The following SMARCAD1 variants were observed in gnomAD, a reference collection of about 807,000 sequenced individuals.
The protein encoded by SMARCAD1 is SNF2 related chromatin remodeling ATPase with DExD box 1, also known as SWI/SNF-related matrix-associated actin-dependent regulator of chromatin subfamily A containing DEAD/H box 1.
A neutral mutation model predicts 127.1 loss-of-function variants in SMARCAD1; 25 were observed. The observed-to-expected ratio is 0.20, with a 90% CI of 0.14 to 0.27. The LOEUF (loss-of-function observed/expected upper bound fraction) is 0.27, where lower values mean the gene tolerates loss of function less well. Among genes scored for constraint, SMARCAD1 ranks in the 10% least tolerant of loss-of-function variants. The pLI, the probability that SMARCAD1 is intolerant of heterozygous loss-of-function variation, is 1.00. For synonymous variants in SMARCAD1, 400 were observed against 396.9 expected, an observed-to-expected ratio of 1.01 and a Z score of -0.09; for missense variants, 807 against 1,206.0, an observed-to-expected ratio of 0.67 and a Z score of 4.90.
At chr4:94,225,452 T>C (rs2125831980) in intron 2 of SMARCAD1, among the ~76,000 whole-genome samples, 1 of 152,270 alleles carries the variant, frequency 6.6e-6, no homozygotes, top group East Asian at 1.9e-4. Context: ...GGGTACAATC[T>C]CCAAATATAG....
At chr4:94,266,263 G>A (rs1440620822) in intron 10 of SMARCAD1, among the ~76,000 whole-genome samples, 2 of 151,878 alleles carry the variant, frequency 1.3e-5, no homozygotes, top group East Asian at 3.9e-4. Context: ...ATCATAATTT[G>A]GATTTTTAAA....
At chr4:94,273,345 A>G (rs1160240774) in intron 11 of SMARCAD1, among the ~76,000 whole-genome samples, 1 of 152,222 alleles carries the variant, frequency 6.6e-6, no homozygotes, top group Admixed American at 6.5e-5. Flanking sequence ...TTTCCATGCA[A>G]TGCAAAAAGT....
intron 4 of SMARCAD1, 37 bp from the exon 5 acceptor site, chr4:94,236,915 G>C (rs1746748484): frequency 1.3e-6 from 2 of 1,495,568 alleles, no homozygotes; most frequent in African/African-American, 2.8e-5. Context: ...TTCTTAAAGT[G>C]CTGATTTAAA....
intron 9 of SMARCAD1, 158 bp downstream of exon 9, chr4:94,253,165 A>C: frequency 6.6e-7 from 1 of 1,518,336 alleles, no homozygotes; most frequent in Non-Finnish European, 8.9e-7. Context: ...ATAGTATTTC[A>C]AATAGTGTCA....
intron 2 of SMARCAD1, 60 bp downstream of exon 2, chr4:94,208,644 A>C: frequency 6.8e-7 from 1 of 1,470,562 alleles, no homozygotes; most frequent in Non-Finnish European, 9.5e-7. Flanking sequence ...GATGAAAGGC[A>C]GAAGGGATTC....
rs1753627189 is a variant in SMARCAD1 at position 94,278,732 on chromosome 4, G to C, written c.2295G>C (p.Leu765Phe). 2 of 1,612,998 alleles carry C rather than the reference G, an allele frequency of 1.2e-6. No individual in the cohort carries two copies. Among genetic ancestry groups the C allele is most frequent in the Non-Finnish European group, 1.7e-6 (2 of 1,179,134 alleles). The change falls in exon 18 of 24, where the codon TTG (leucine) becomes TTC (phenylalanine). Residue 765 changes from leucine (L) to phenylalanine (F), a missense_variant and splice_region_variant. Leu to Phe is a conservative substitution (Grantham distance 22). Transcript: ENST00000354268. The part of the protein sequence containing the change: ...FNRLKKSINN[L>F]EKNTEMCNVM... ...GATTGAAAAAATCTATCAATAACTT[G>C]GGTATAATCTGATTTTTACTCTTTT...
chr4:94,289,283 A>G (rs1755390025), intron 23 of SMARCAD1, among the ~76,000 whole-genome samples, 190 bp from the exon 24 acceptor site: 1 of 152,178 alleles, frequency 6.6e-6, no homozygotes, highest in Non-Finnish European at 1.5e-5. Flanking sequence ...CAATATGAAC[A>G]AGAACATAGA....
chr4:94,223,734 A>ATTTT (rs944591007), intron 2 of SMARCAD1, among the ~76,000 whole-genome samples: 5 of 100,170 alleles, frequency 5.0e-5, no homozygotes, highest in African/African-American at 1.8e-4. Flanking sequence ...CTCCCGGCTA[A>ATTTT]TTTTTTTTTT....
intron 5 of SMARCAD1, among the ~76,000 whole-genome samples, chr4:94,237,575 A>G (rs977972811): frequency 6.6e-6 from 1 of 151,922 alleles, no homozygotes; most frequent in African/African-American, 2.4e-5. Flanking sequence ...CCCACACTTC[A>G]TTAACCACCC....
chr4:94,276,673 T>C (rs960529831), intron 15 of SMARCAD1, among the ~76,000 whole-genome samples, 199 bp downstream of exon 15: 14 of 152,200 alleles, frequency 9.2e-5, no homozygotes, highest in Admixed American at 6.5e-5. Flanking sequence ...TCACGTATTC[T>C]TTGATTTTGT....
intron 15 of SMARCAD1, 31 bp from the exon 16 acceptor site, chr4:94,276,991 A>G (rs1312534558): frequency 6.2e-7 from 1 of 1,613,498 alleles, no homozygotes; most frequent in Admixed American, 1.7e-5. Context: ...CTTTAAGAAA[A>G]AGCTAATATA....
chr4:94,210,465 AGTT>A (rs1742026880), intron 2 of SMARCAD1, among the ~76,000 whole-genome samples: 1 of 152,222 alleles, frequency 6.6e-6, no homozygotes, highest in Admixed American at 6.5e-5. Context: ...TTTAAAAGTC[AGTT>A]TAGCAGTAGT....
intron 9 of SMARCAD1, chr4:94,253,252 T>C (rs1749546734): frequency 2.7e-6 from 4 of 1,483,446 alleles, no homozygotes; most frequent in Non-Finnish European, 3.6e-6. Flanking sequence ...ATACTGTCAC[T>C]CATTCCTTTG....
At chr4:94,280,533 CTCA>C (rs2086216908) in intron 19 of SMARCAD1, 56 bp from the exon 20 acceptor site, 3 of 1,391,292 alleles carry the variant, frequency 2.2e-6, no homozygotes, top group Non-Finnish European at 3.0e-6. Flanking sequence ...TTAAACTTTT[CTCA>C]TCATATTATT....
chr4:94,281,899 A>G (rs889328974), intron 21 of SMARCAD1, among the ~76,000 whole-genome samples: 1 of 151,196 alleles, frequency 6.6e-6, no homozygotes, highest in Non-Finnish European at 1.5e-5. Flanking sequence ...AAAAATAGCC[A>G]GGTGTGGTGG....
At chr4:94,266,767 A>T (rs527989957) in intron 10 of SMARCAD1, among the ~76,000 whole-genome samples, 1 of 152,260 alleles carries the variant, frequency 6.6e-6, no homozygotes, top group South Asian at 2.1e-4. Context: ...TTCATGACGA[A>T]GTTTACTTTG....
intron 14 of SMARCAD1, 41 bp from the exon 15 acceptor site, chr4:94,276,290 CAAGCTCTT>C (rs773327405): frequency 6.2e-7 from 1 of 1,606,926 alleles, no homozygotes; most frequent in Non-Finnish European, 8.5e-7. Context: ...CACTAGACTC[CAAGCTCTT>C]AAAGGTATAA....
chr4:94,272,966 C>T (rs1055393527), intron 11 of SMARCAD1, among the ~76,000 whole-genome samples: 2 of 152,036 alleles, frequency 1.3e-5, no homozygotes, highest in African/African-American at 2.4e-5. Context: ...CGCCACCATG[C>T]CTGGCTAATT....
chr4:94,221,311 A>G (rs189733209), intron 2 of SMARCAD1, among the ~76,000 whole-genome samples: 27 of 152,360 alleles, frequency 1.8e-4, no homozygotes, highest in Admixed American at 1.8e-3. Flanking sequence ...ACCAAAGCAC[A>G]GTATTAGGAA....
Sources: gnomAD v4.1 joint callset for allele counts (sites outside exome capture counted in the v4.1 genomes callset) on GRCh38, gnomAD v4.1.1 for gene constraint, MANE v1.5 for transcripts, NCBI Gene and HGNC (gene_info 2026-07-23, HGNC 2026-07-21) for gene names.